SEL1L2: variants seen among roughly 807,000 people sequenced by gnomAD.
SEL1L2 encodes protein sel-1 homolog 2.
In SEL1L2, 89 loss-of-function variants were observed where a neutral mutation model predicts 98.8. That is an observed-to-expected ratio of 0.90 (90% confidence interval 0.76 to 1.07). The LOEUF (loss-of-function observed/expected upper bound fraction) is 1.07, where lower values mean the gene tolerates loss of function less well. Among genes scored for constraint, SEL1L2 ranks in the 50% least tolerant of loss-of-function variants. SEL1L2 has a pLI of 0.00. For synonymous variants in SEL1L2, 262 were observed against 278.5 expected (o/e 0.94, Z 0.59); for missense variants, 788 against 812.0 (o/e 0.97, Z 0.36).
chr20:13,900,268 ACATAAAGTTGAATATAG>A (rs1226752661), intron 5 of SEL1L2, among the ~76,000 whole-genome samples: 1 of 152,184 alleles, frequency 6.6e-6, no homozygotes, highest in African/African-American at 2.4e-5. Flanking sequence ...TAATGTATTC[ACATAAAGTTGAATATAG>A]CACTGTCTCA....
At chr20:13,869,448 G>T in intron 14 of SEL1L2, 55 bp downstream of exon 14, 2 of 1,287,774 alleles carry the variant, frequency 1.6e-6, no homozygotes, top group African/African-American at 1.5e-5. Context: ...AAAAGAAGCA[G>T]ACTTAATAAT....
chr20:13,942,704 T>A lies in SEL1L2; in HGVS notation c.115-10933A>T, dbSNP rs773441038. ...TAGCAAAGACTCACATAGAAGCAGA[T>A]GTTTTAATTATGGTTTCTCATCAGA... On this transcript the variant is annotated intron_variant, in intron 2 of 19. Transcript: ENST00000284951. 2.6e-5 allele frequency among the ~76,000 whole-genome samples: 4 copies of A among 152,238 alleles called. 1 individual carries two copies. Among genetic ancestry groups the A allele is most frequent in the Non-Finnish European group, 4.4e-5 (3 of 68,042 alleles).
chr20:13,929,423 C>A (rs1351693712), intron 3 of SEL1L2, among the ~76,000 whole-genome samples: 1 of 148,150 alleles, frequency 6.7e-6, no homozygotes, highest in Non-Finnish European at 1.5e-5. Context: ...CCTTTTAGTT[C>A]ATGCCATCTA....
At chr20:13,877,721 G>C (rs1279974556) in intron 10 of SEL1L2, 133 bp from the exon 11 acceptor site, 2 of 669,292 alleles carry the variant, frequency 3.0e-6, no homozygotes, top group Non-Finnish European at 5.2e-6. Context: ...AAAAAAATCT[G>C]TGAAATGCCC....
intron 12 of SEL1L2, among the ~76,000 whole-genome samples, chr20:13,870,919 T>C (rs1600530626): frequency 1.1e-5 from 1 of 88,760 alleles, no homozygotes; most frequent in African/African-American, 4.7e-5. Flanking sequence ...CAAAACTCCA[T>C]CTCAAAAAAA....
At chr20:13,852,486 G>C (rs931566849) in intron 18 of SEL1L2, among the ~76,000 whole-genome samples, 9 of 152,020 alleles carry the variant, frequency 5.9e-5, no homozygotes, top group African/African-American at 2.2e-4. Flanking sequence ...ACCCTATTTA[G>C]TAAAAAAATC....
At chr20:13,976,523 T>C (rs1309724353) in intron 1 of SEL1L2, among the ~76,000 whole-genome samples, 2 of 152,068 alleles carry the variant, frequency 1.3e-5, no homozygotes, top group African/African-American at 4.8e-5. Flanking sequence ...AGCTAATAGT[T>C]TGAATTGGTT....
At chr20:13,865,113 G>A (rs1457052122) in intron 17 of SEL1L2, 54 bp downstream of exon 17, 1 of 1,405,562 alleles carries the variant, frequency 7.1e-7, no homozygotes, top group Non-Finnish European at 1.0e-6. Context: ...CAAACGTGAT[G>A]AATAACAGAG....
intron 5 of SEL1L2, among the ~76,000 whole-genome samples, chr20:13,888,827 T>C (rs185014215): frequency 0.031 from 4,589 of 150,326 alleles, 85 homozygotes; most frequent in African/African-American, 0.043. Context: ...TTTGTATTTT[T>C]AGTAGAGATG....
At chr20:13,931,029 G>A (rs1162524817) in intron 3 of SEL1L2, among the ~76,000 whole-genome samples, 1 of 145,062 alleles carries the variant, frequency 6.9e-6, no homozygotes, top group African/African-American at 2.5e-5. Flanking sequence ...CTACTCAGAA[G>A]GCTGAGACAG....
At position 13,953,697 on chromosome 20, in the gene SEL1L2, T is replaced by C. The variant is rs140118583; in HGVS notation, c.114+2379A>G. On this transcript the variant is annotated intron_variant, in intron 2 of 19. Transcript: ENST00000284951. ...GAGCCCACTGGCAGGAAGTACACTCTCTCGCTTTGCTGAAAGTCCCTGTTT... is the reference window on the plus strand; with the variant it reads ...GAGCCCACTGGCAGGAAGTACACTCCCTCGCTTTGCTGAAAGTCCCTGTTT... Among the ~76,000 whole-genome samples, 304 of 152,336 alleles carry C rather than the reference T, an allele frequency of 2.0e-3. 1 individual carries two copies. The highest frequency in any genetic ancestry group is 7.0e-3 in the African/African-American group (289 of 41,580).
intron 3 of SEL1L2, among the ~76,000 whole-genome samples, chr20:13,925,505 G>C (rs118101774): frequency 0.028 from 4,288 of 152,320 alleles, 89 homozygotes; most frequent in Non-Finnish European, 0.041. Flanking sequence ...GTGGTGATTG[G>C]TTGGTTGGTT....
chr20:13,901,655 G>T, intron 5 of SEL1L2, among the ~76,000 whole-genome samples: 1 of 148,560 alleles, frequency 6.7e-6, no homozygotes, highest in Non-Finnish European at 1.5e-5. Flanking sequence ...AATTTTTTTT[G>T]CAAATTTTTT....
At chr20:13,952,469 C>G (rs920849672) in intron 2 of SEL1L2, among the ~76,000 whole-genome samples, 1 of 152,152 alleles carries the variant, frequency 6.6e-6, no homozygotes, top group Non-Finnish European at 1.5e-5. Context: ...GCAGCTAATT[C>G]CTATTATCTA....
intron 5 of SEL1L2, among the ~76,000 whole-genome samples, chr20:13,889,451 C>T (rs1305095925): frequency 1.3e-5 from 2 of 152,142 alleles, no homozygotes; most frequent in East Asian, 1.9e-4. Context: ...ACCAAGGGCC[C>T]TTATATACTT....
At chr20:13,883,598 G>C (rs186016689) in intron 10 of SEL1L2, among the ~76,000 whole-genome samples, 20 of 152,274 alleles carry the variant, frequency 1.3e-4, no homozygotes, top group Admixed American at 1.1e-3. Flanking sequence ...ATCCTGGCTG[G>C]GCTCCTGGGT....
At chr20:13,860,533 T>C (rs962475281) in intron 17 of SEL1L2, among the ~76,000 whole-genome samples, 2 of 152,212 alleles carry the variant, frequency 1.3e-5, no homozygotes, top group African/African-American at 4.8e-5. Flanking sequence ...CACTGCCTTC[T>C]CTTGGTTTCC....
intron 1 of SEL1L2, among the ~76,000 whole-genome samples, chr20:13,989,303 C>T (rs1734315936): frequency 6.6e-6 from 1 of 151,340 alleles, no homozygotes; most frequent in Admixed American, 6.6e-5. Flanking sequence ...AGAAATAGAA[C>T]TTTTTTTTTG....
At chr20:13,873,708 T>C (rs1163880525) in intron 12 of SEL1L2, among the ~76,000 whole-genome samples, 1 of 152,188 alleles carries the variant, frequency 6.6e-6, no homozygotes, top group Non-Finnish European at 1.5e-5. Context: ...GCCATATGTA[T>C]AGCCAAACCC....
Sources: allele counts gnomAD v4.1 joint callset (sites outside exome capture counted in the v4.1 genomes callset), GRCh38; gene constraint gnomAD v4.1.1; transcripts MANE v1.5; gene names NCBI Gene and HGNC (gene_info 2026-07-23, HGNC 2026-07-21).